The following COL25A1 variants were observed in gnomAD, a reference collection of about 807,000 sequenced individuals.
COL25A1 encodes collagen alpha-1(XXV) chain.
COL25A1 carries 103 observed loss-of-function variants against 128.4 expected under a neutral mutation model. The observed-to-expected ratio is 0.80, with a 90% confidence interval of 0.68 to 0.94. The LOEUF (loss-of-function observed/expected upper bound fraction) is 0.94. Among genes scored for constraint, COL25A1 ranks in the 40% least tolerant of loss-of-function variants. The pLI is 0.00. For missense variants in COL25A1, 745 were observed against 840.0 expected, an observed-to-expected ratio of 0.89 and a Z score of 1.40; for synonymous variants, 279 against 277.2, an observed-to-expected ratio of 1.01 and a Z score of -0.06.
intron 3 of COL25A1, among the ~76,000 whole-genome samples, chr4:109,252,667 T>C (rs184808562): frequency 6.6e-6 from 1 of 152,332 alleles, no homozygotes; most frequent in Admixed American, 6.5e-5. Context: ...TCCCTGACTG[T>C]CCAGAAAAAT....
chr4:108,911,443 A>G (rs894250935), intron 13 of COL25A1, among the ~76,000 whole-genome samples: 2 of 50,406 alleles, frequency 4.0e-5, no homozygotes, highest in Non-Finnish European at 1.1e-4. Flanking sequence ...GATTTTTCAT[A>G]TAATTGTTCA....
At chr4:109,118,677 G>A (rs3113728) in intron 3 of COL25A1, among the ~76,000 whole-genome samples, 182 of 151,940 alleles carry the variant, frequency 1.2e-3, no homozygotes, top group African/African-American at 4.1e-3. Flanking sequence ...TCAAGAAGAC[G>A]AAACAAGTCT....
At chr4:109,166,950 T>C (rs1052389598) in intron 3 of COL25A1, among the ~76,000 whole-genome samples, 1 of 152,188 alleles carries the variant, frequency 6.6e-6, no homozygotes, top group East Asian at 1.9e-4. Flanking sequence ...AGGAAAGTAC[T>C]TATAGGGTGG....
intron 6 of COL25A1, among the ~76,000 whole-genome samples, chr4:108,977,542 G>T (rs998155271): frequency 6.6e-6 from 1 of 152,106 alleles, no homozygotes; most frequent in African/African-American, 2.4e-5. Flanking sequence ...GAAAGCCAAA[G>T]AAAATAATAA....
At chr4:109,152,423 T>C (rs1460724825) in intron 3 of COL25A1, among the ~76,000 whole-genome samples, 1 of 152,222 alleles carries the variant, frequency 6.6e-6, no homozygotes, top group Non-Finnish European at 1.5e-5. Flanking sequence ...TATAGAGCTA[T>C]TCTGCACATT....
At chr4:109,089,094 G>C (rs1764680345) in intron 3 of COL25A1, among the ~76,000 whole-genome samples, 2 of 152,338 alleles carry the variant, frequency 1.3e-5, no homozygotes, top group South Asian at 2.1e-4. Context: ...GACAAGCACA[G>C]TGGGACATTT....
At chr4:109,175,141 C>T (rs1254553743) in intron 3 of COL25A1, among the ~76,000 whole-genome samples, 1 of 152,114 alleles carries the variant, frequency 6.6e-6, no homozygotes, top group African/African-American at 2.4e-5. Context: ...GGTTGGGGAC[C>T]TCTGTTATAG....
chr4:109,282,148 A>G (rs1461678087), intron 3 of COL25A1, among the ~76,000 whole-genome samples: 1 of 151,876 alleles, frequency 6.6e-6, no homozygotes, highest in Middle Eastern at 3.2e-3. Context: ...TCATCTCTCA[A>G]CGAAATCATT....
rs538743674 is a variant in COL25A1, at chr4:108,919,368, C to T, written c.736-1152G>A. Reference sequence around the variant, plus strand: ...TCGTATGTGGATTAGAGTAGCTTTACAATTTCACACCATGCTTAATAGAGA... The same window carrying T: ...TCGTATGTGGATTAGAGTAGCTTTATAATTTCACACCATGCTTAATAGAGA... On this transcript the variant is annotated intron_variant, in intron 12 of 37. Coordinates refer to ENST00000399132, the MANE Select transcript of COL25A1 (RefSeq NM_198721.4). Among the ~76,000 whole-genome samples, 5 of 152,278 alleles carry T rather than the reference C, an allele frequency of 3.3e-5. No homozygotes were observed. In the East Asian group the frequency reaches 9.7e-4, roughly 29 times the overall value.
chr4:108,938,241 A>T (rs1228216699), intron 10 of COL25A1, among the ~76,000 whole-genome samples: 1 of 152,174 alleles, frequency 6.6e-6, no homozygotes, highest in Non-Finnish European at 1.5e-5. Flanking sequence ...ATTAAATTTG[A>T]TAGAGAAAAT....
chr4:108,931,551 T>C (rs1746742258), intron 11 of COL25A1, among the ~76,000 whole-genome samples: 1 of 152,186 alleles, frequency 6.6e-6, no homozygotes. Context: ...CTCCCCAAGA[T>C]GACATTTTGT....
chr4:108,933,875 C>CACAT (rs1321889456), intron 11 of COL25A1, among the ~76,000 whole-genome samples: 2 of 151,756 alleles, frequency 1.3e-5, no homozygotes, highest in Non-Finnish European at 2.9e-5. Flanking sequence ...CACACACACA[C>CACAT]ACAATGTGTG....
rs764627688 is a variant in COL25A1 at position 108,869,112 on chromosome 4, GCCTGGTTCTCCTTGAGGACCAATGAAA to G, written c.1032_1058del (p.Phe345_Gly353del). The G allele has an allele frequency of 6.4e-7, 1 of 1,560,716 alleles. No individual in the cohort carries two copies. The highest frequency in any genetic ancestry group is 1.4e-5 in the African/African-American group (1 of 70,238). On this transcript the variant is annotated inframe_deletion, in exon 20 of 38. Coordinates refer to ENST00000399132, the MANE Select transcript of COL25A1 (RefSeq NM_198721.4). ...CTTTTGTTCCTGGTAAACCTGGTAA[GCCTGGTTCTCCTTGAGGACCAATGAAA>G]CCTGGTTCTCCCTTTAAAAACATGG...
chr4:109,020,048 G>A (rs1462657717), intron 5 of COL25A1, among the ~76,000 whole-genome samples: 1 of 151,904 alleles, frequency 6.6e-6, no homozygotes, highest in East Asian at 1.9e-4. Flanking sequence ...TTTAGATAAA[G>A]TATCAACTAA....
intron 13 of COL25A1, among the ~76,000 whole-genome samples, chr4:108,905,707 C>A (rs1404406795): frequency 6.6e-6 from 1 of 151,894 alleles, no homozygotes; most frequent in African/African-American, 2.4e-5. Context: ...ACATCATGAA[C>A]CAAAAGCCTT....
chr4:108,966,722 G>A (rs1348748575), intron 8 of COL25A1, among the ~76,000 whole-genome samples: 1 of 151,852 alleles, frequency 6.6e-6, no homozygotes, highest in Non-Finnish European at 1.5e-5. Flanking sequence ...ATGGTAGTGT[G>A]TGCCTGTAGT....
intron 6 of COL25A1, among the ~76,000 whole-genome samples, chr4:108,980,452 G>A (rs1256780555): frequency 6.6e-6 from 1 of 152,178 alleles, no homozygotes; most frequent in East Asian, 1.9e-4. Flanking sequence ...GGCCTAAGCT[G>A]GTTCAACGTA....
At position 109,204,880 on chromosome 4, in the gene COL25A1, C is replaced by A. The variant is rs557065771; in HGVS notation, c.367+95703G>T. On this transcript the variant is annotated intron_variant, in intron 3 of 37. Coordinates refer to ENST00000399132, the MANE Select transcript of COL25A1 (RefSeq NM_198721.4). ...GAATTTTTATCATTACTCTGTCTTG[C>A]AGCTAAACGGCAGTTCTGATTCTAC... Among the ~76,000 whole-genome samples the A allele has an allele frequency of 3.9e-5, 6 of 152,256 alleles. No homozygotes were observed. In the East Asian group the frequency reaches 7.7e-4, roughly 20 times the overall value.
chr4:108,849,074 C>T (rs189932218), intron 26 of COL25A1, among the ~76,000 whole-genome samples: 96 of 151,876 alleles, frequency 6.3e-4, no homozygotes, highest in Admixed American at 9.8e-4. Context: ...AAAGAGTGGT[C>T]AAGGAAAACT....
Sources: gnomAD v4.1 joint callset for allele counts (sites outside exome capture counted in the v4.1 genomes callset) on GRCh38, gnomAD v4.1.1 for gene constraint, MANE v1.5 for transcripts, NCBI Gene and HGNC (gene_info 2026-07-23, HGNC 2026-07-21) for gene names.